MYH10: variants seen among roughly 807,000 people sequenced by gnomAD.
MYH10 encodes myosin heavy chain 10.
MYH10 carries 55 observed loss-of-function variants against 257.8 expected under a neutral mutation model. The observed-to-expected ratio is 0.21, with a 90% CI of 0.17 to 0.27. The LOEUF (loss-of-function observed/expected upper bound fraction) is 0.27, where lower values mean the gene tolerates loss of function less well. MYH10 is among the 10% of genes least tolerant of loss of function. MYH10 has a pLI of 1.00. For missense variants in MYH10, 1,631 were observed against 2,500.6 expected (o/e 0.65, Z 7.42); for synonymous variants, 854 against 921.7 (o/e 0.93, Z 1.33).
intron 17 of MYH10, among the ~76,000 whole-genome samples, chr17:8,525,359 T>C (rs1043055551): frequency 4.6e-5 from 7 of 152,354 alleles, no homozygotes; most frequent in Middle Eastern, 3.4e-3. Flanking sequence ...AGGGAACATT[T>C]TTCCAGCATC....
rs1410249872 is a variant in MYH10 at position 8,478,414 on chromosome 17, C to T, written c.5630G>A (p.Arg1877His). Residue 1877 changes from arginine to histidine, a missense_variant, in exon 41 of 43, where the codon CGC (arginine) becomes CAC (histidine). Transcript: ENST00000360416. Reference protein sequence around the residue: ...ERAAANKLVRRTEKKLKEIFM... With the variant: ...ERAAANKLVRHTEKKLKEIFM... ...GATTTCTTTCAGCTTCTTCTCAGTG[C>T]GACGGACTAATTTGTTGGCGGCTGC... 5 of 1,614,242 alleles carry T rather than the reference C, an allele frequency of 3.1e-6. No individual in the cohort carries two copies. Among genetic ancestry groups the T allele is most frequent in the Non-Finnish European group, 3.4e-6 (4 of 1,180,040 alleles).
At position 8,475,542 on chromosome 17, in the gene MYH10, T is replaced by A. The variant is rs1230587949; in HGVS notation, c.*262A>T. 5 of 389,624 alleles carry A rather than the reference T, an allele frequency of 1.3e-5. No individual in the cohort carries two copies. The highest frequency in any genetic ancestry group is 2.3e-5 in the Non-Finnish European group (5 of 218,304). 24.1% of individuals were successfully genotyped at this position (389,624 alleles called of 1,614,324 possible). A position where few individuals can be genotyped will look rare whatever the true frequency, so the allele number is the denominator to read the frequency against. On this transcript the variant is annotated 3_prime_UTR_variant, in exon 43 of 43. Transcript: ENST00000360416. ...TCTTACCATGTTTTATAAAATGGTC[T>A]CTTGATGACTATATGGAAAATAGAT...
chr17:8,604,092 A>G (rs1255769061), intron 3 of MYH10, among the ~76,000 whole-genome samples: 1 of 152,210 alleles, frequency 6.6e-6, no homozygotes, highest in Non-Finnish European at 1.5e-5. Context: ...ACGATTTTAT[A>G]AGAACCTTAT....
chr17:8,580,834 A>G (rs1182633142), intron 4 of MYH10, among the ~76,000 whole-genome samples: 1 of 152,204 alleles, frequency 6.6e-6, no homozygotes, highest in Non-Finnish European at 1.5e-5. Flanking sequence ...CAAGGTTAGA[A>G]GAACATACAT....
In MYH10 at chr17:8,477,749, T is replaced by A. The variant is rs556946761; in HGVS notation, c.5706+589A>T. ...CAGATCCATCCACCTTTCTGGCCAG[T>A]GTCTGCAGTGTGAAGTCTCACCAGG... On this transcript the variant is annotated intron_variant, in intron 41 of 42. Coordinates refer to ENST00000360416, the MANE Select transcript of MYH10 (RefSeq NM_001256012.3). The surrounding 1 kb of genome is among the most constrained non-coding windows in gnomAD (Gnocchi z 4.2). Among the ~76,000 whole-genome samples, 11 of 152,176 alleles carry A rather than the reference T, an allele frequency of 7.2e-5. No homozygotes were observed. Among genetic ancestry groups the A allele is most frequent in the African/African-American group, 2.6e-4 (11 of 41,558 alleles).
At position 8,492,509 on chromosome 17, in the gene MYH10, G is replaced by C; in HGVS notation, c.4459C>G (p.Leu1487Val). The C allele has an allele frequency of 6.2e-7, 1 of 1,610,146 alleles. No homozygotes were observed. Residue 1487 changes from leucine (L) to valine (V), a missense_variant and splice_region_variant, in exon 34 of 43, where the codon CTG becomes GTG. Coordinates refer to ENST00000360416, the MANE Select transcript of MYH10 (RefSeq NM_001256012.3). ...GAGATGCTCTTCTCTTCTGCTAACA[G>C]CTGTGCAGAAGGGGATGGGGGAATA... ...LEKKQKKFDQ[L>V]LAEEKSISAR...
Position 8,535,704 on chromosome 17 carries a change from C to A in MYH10, c.1779+54G>T. On this transcript the variant is annotated intron_variant, in intron 15 of 42. Transcript: ENST00000360416. This position sits in a 1 kb window ranked among gnomAD's most constrained non-coding sequence, Gnocchi z 4.3. Reference sequence around the variant, plus strand: ...TTGTTACACCTTCATAAAAATGTAGCAAAATTTCAAACACAGCCATTTTAA... The same window carrying A: ...TTGTTACACCTTCATAAAAATGTAGAAAAATTTCAAACACAGCCATTTTAA... 6.4e-7 allele frequency: 1 copy of A among 1,554,330 alleles called. No homozygotes were observed. Among genetic ancestry groups the A allele is most frequent in the Non-Finnish European group, 8.8e-7 (1 of 1,139,300 alleles).
At chr17:8,560,372 C>T (rs2082947441) in intron 7 of MYH10, 1 of 253,148 alleles carries the variant, frequency 4.0e-6, no homozygotes, top group Non-Finnish European at 7.8e-6. Context: ...TTTTTCCCTA[C>T]CTTCACGGGA....
At position 8,477,757 on chromosome 17, in the gene MYH10, G is replaced by A. The variant is rs1912925276; in HGVS notation, c.5706+581C>T. Among the ~76,000 whole-genome samples, 1 of 152,210 alleles carries A rather than the reference G, an allele frequency of 6.6e-6. No homozygotes were observed. The highest frequency in any genetic ancestry group is 1.5e-5 in the Non-Finnish European group (1 of 68,036). On this transcript the variant is annotated intron_variant, in intron 41 of 42. Transcript: ENST00000360416. The surrounding 1 kb of genome is among the most constrained non-coding windows in gnomAD (Gnocchi z 4.2). ...TCCACCTTTCTGGCCAGTGTCTGCAGTGTGAAGTCTCACCAGGCAGAGGGC... is the reference window on the plus strand; with the variant it reads ...TCCACCTTTCTGGCCAGTGTCTGCAATGTGAAGTCTCACCAGGCAGAGGGC...
intron 6 of MYH10, among the ~76,000 whole-genome samples, chr17:8,576,310 C>G (rs2083495552): frequency 6.6e-6 from 1 of 152,090 alleles, no homozygotes; most frequent in Admixed American, 6.5e-5. Flanking sequence ...GGGCACAAAG[C>G]TAGGTTTCCA....
At chr17:8,609,374 T>G (rs1370119526) in intron 2 of MYH10, among the ~76,000 whole-genome samples, 1 of 151,466 alleles carries the variant, frequency 6.6e-6, no homozygotes, top group Non-Finnish European at 1.5e-5. Flanking sequence ...AAGGAAAGAA[T>G]AATTCACCCA....
At chr17:8,597,285 G>A (rs2084410553) in intron 3 of MYH10, among the ~76,000 whole-genome samples, 1 of 151,592 alleles carries the variant, frequency 6.6e-6, no homozygotes, top group South Asian at 2.1e-4. Context: ...TCCATAATAG[G>A]CAGTCTAAAG....
chr17:8,520,582 C>G (rs925533470), intron 19 of MYH10, among the ~76,000 whole-genome samples: 1 of 152,170 alleles, frequency 6.6e-6, no homozygotes, highest in Admixed American at 6.5e-5. Context: ...AAGCTTTCAG[C>G]TTTCTATGTT....
At chr17:8,626,636 GAAGA>G (rs1438708316) in intron 1 of MYH10, among the ~76,000 whole-genome samples, 1 of 148,222 alleles carries the variant, frequency 6.7e-6, no homozygotes, top group East Asian at 2.0e-4. Flanking sequence ...TAAAAAAAAA[GAAGA>G]AAGGAGGCAT....
intron 17 of MYH10, among the ~76,000 whole-genome samples, chr17:8,528,556 A>T (rs62063426): frequency 1.3e-5 from 2 of 152,118 alleles, no homozygotes; most frequent in Non-Finnish European, 2.9e-5. Context: ...CAGTCCCAGA[A>T]GCCTGCATGC....
chr17:8,565,424 G>T (rs1312003299), intron 7 of MYH10, among the ~76,000 whole-genome samples: 1 of 152,136 alleles, frequency 6.6e-6, no homozygotes, highest in Non-Finnish European at 1.5e-5. Context: ...GAGCTACTGA[G>T]ATCAACTACT....
At position 8,493,028 on chromosome 17, in the gene MYH10, G is replaced by A; in HGVS notation, c.4210-4C>T. 2 of 1,612,416 alleles carry A rather than the reference G, an allele frequency of 1.2e-6. No individual in the cohort carries two copies. Among genetic ancestry groups the A allele is most frequent in the Non-Finnish European group, 1.7e-6 (2 of 1,179,574 alleles). The stretch of plus-strand genomic sequence containing the variant: ...CTTTCTTCTTGGTATCAGCCAACTA[G>A]GTTTTGTGTACGGACAAACAGAAAG... On this transcript the variant is annotated splice_polypyrimidine_tract_variant and splice_region_variant and intron_variant, in intron 32 of 42. Transcript: ENST00000360416.
At chr17:8,540,163 G>A (rs111761376) in intron 14 of MYH10, among the ~76,000 whole-genome samples, 2 of 152,194 alleles carry the variant, frequency 1.3e-5, no homozygotes, top group African/African-American at 4.8e-5. Flanking sequence ...CTAATTTTCT[G>A]TATTTTTAGT....
chr17:8,563,262 T>C (rs2083055429), intron 7 of MYH10, among the ~76,000 whole-genome samples: 2 of 152,222 alleles, frequency 1.3e-5, no homozygotes, highest in South Asian at 2.1e-4. Context: ...GAAGCTTTGT[T>C]GTTAGTAAAA....
Sources: gnomAD v4.1 joint callset for allele counts (sites outside exome capture counted in the v4.1 genomes callset) on GRCh38, gnomAD v4.1.1 for gene constraint, Gnocchi (gnomAD v3.1) non-coding constraint, MANE v1.5 for transcripts, NCBI Gene and HGNC (gene_info 2026-07-23, HGNC 2026-07-21) for gene names.